PTK2B: variants seen among roughly 807,000 people sequenced by gnomAD.
PTK2B encodes the protein protein-tyrosine kinase 2-beta.
PTK2B carries 71 observed loss-of-function variants against 142.9 expected under a neutral mutation model. The observed-to-expected ratio is 0.50, with a 90% CI of 0.41 to 0.61. The LOEUF (loss-of-function observed/expected upper bound fraction) is 0.61, where lower values mean the gene tolerates loss of function less well. Ranked by LOEUF, PTK2B falls within the 20% of genes least tolerant of loss-of-function variation. The pLI is 0.00. For missense variants in PTK2B, 1,105 were observed against 1,320.4 expected (o/e 0.84, Z 2.53); for synonymous variants, 519 against 503.4 (o/e 1.03, Z -0.42).
In PTK2B at chr8:27,437,862, G is replaced by C; in HGVS notation, c.1625G>C (p.Ser542Thr). 1.2e-6 allele frequency: 2 copies of C among 1,612,178 alleles called. No homozygotes were observed. The highest frequency in any genetic ancestry group is 1.7e-4 in the Middle Eastern group (1 of 6,056). Residue 542 changes from serine to threonine, a missense_variant, in exon 18 of 31, where the codon AGC becomes ACC. By Grantham distance (58) the Ser-to-Thr change is moderately conservative. Coordinates refer to ENST00000346049, the MANE Select transcript of PTK2B (RefSeq NM_173176.3). The stretch of plus-strand genomic sequence containing the variant: ...TGCAAAGCCATGGCCTACCTGGAGA[G>C]CATCAACTGCGTGCACAGGTAGGGG... Reference protein sequence around the residue: ...QICKAMAYLESINCVHRDIAV... With the variant: ...QICKAMAYLETINCVHRDIAV...
chr8:27,342,821 C>A (rs1804486917), intron 1 of PTK2B, among the ~76,000 whole-genome samples: 1 of 152,176 alleles, frequency 6.6e-6, no homozygotes, highest in Non-Finnish European at 1.5e-5. Flanking sequence ...GCTCCTTTAT[C>A]CCCCCTCAGT....
At chr8:27,430,182 C>G (rs1292488017) in intron 6 of PTK2B, 27 bp downstream of exon 6, 28 of 1,601,884 alleles carry the variant, frequency 1.7e-5, no homozygotes, top group Non-Finnish European at 2.4e-5. Flanking sequence ...CCCATCTCCC[C>G]TCCCTTCCTG....
Position 27,453,142 on chromosome 8 carries a change from C to G in PTK2B, c.2577C>G (p.Pro859=), listed in dbSNP as rs560064879. ...YLEFTGPPQK[P]PRLGAQSIQP... ...AGTTCACAGGGCCCCCACAGAAGCC[C>G]CCGAGGCTGGGCGCACAGGTATGTG... Residue 859 remains proline, a synonymous_variant, in exon 28 of 31, where the codon CCC becomes CCG. Coordinates refer to ENST00000346049, the MANE Select transcript of PTK2B (RefSeq NM_173176.3). 11 of 1,614,120 alleles carry G rather than the reference C, an allele frequency of 6.8e-6. No individual in the cohort carries two copies. The South Asian group carries it at 1.1e-4, about 16-fold the overall frequency.
intron 2 of PTK2B, among the ~76,000 whole-genome samples, chr8:27,409,991 G>A (rs1808959640): frequency 6.6e-6 from 1 of 152,148 alleles, no homozygotes; most frequent in Admixed American, 6.5e-5. Context: ...CAAAGGGCTG[G>A]GATTACAAGT....
intron 9 of PTK2B, 113 bp from the exon 10 acceptor site, chr8:27,432,147 T>C (rs1810470746): frequency 1.2e-6 from 1 of 855,480 alleles, no homozygotes; most frequent in Non-Finnish European, 1.9e-6. Context: ...TCTCTCTTCA[T>C]CTCCCAGAGA....
intron 3 of PTK2B, among the ~76,000 whole-genome samples, chr8:27,319,879 G>A (rs936576208): frequency 2.0e-5 from 3 of 152,068 alleles, no homozygotes; most frequent in Non-Finnish European, 4.4e-5. Context: ...AAAGAAAAAC[G>A]CTGCATATTT....
upstream of PTK2B, among the ~76,000 whole-genome samples, chr8:27,322,193 TATAAC>T (rs921410917): frequency 7.2e-5 from 11 of 152,196 alleles, no homozygotes; most frequent in Non-Finnish European, 1.3e-4. Context: ...TTAGAATACT[TATAAC>T]CATACTGTTC....
intron 1 of PTK2B, among the ~76,000 whole-genome samples, chr8:27,378,601 CTGTG>C (rs58485965): frequency 0.2 from 30,183 of 148,102 alleles, 3,185 homozygotes; most frequent in Middle Eastern, 0.25. Context: ...TACAGCTTAT[CTGTG>C]TGTGTGTGTG....
At chr8:27,352,691 T>A (rs1042673347) in intron 1 of PTK2B, among the ~76,000 whole-genome samples, 1 of 152,236 alleles carries the variant, frequency 6.6e-6, no homozygotes, top group Non-Finnish European at 1.5e-5. Flanking sequence ...GTTCTCATGA[T>A]GGTGAATATG....
chr8:27,311,070 T>G, upstream of PTK2B: 2 of 1,596,336 alleles, frequency 1.3e-6, no homozygotes, highest in East Asian at 2.3e-5. Context: ...ACTGGGCAGG[T>G]GGGCGACACC....
At chr8:27,436,715 G>A (rs899886353) in intron 15 of PTK2B, among the ~76,000 whole-genome samples, 29 of 152,178 alleles carry the variant, frequency 1.9e-4, no homozygotes, top group African/African-American at 6.5e-4. Context: ...AAGGCTGACC[G>A]CTGTGGTAAC....
At chr8:27,391,925 T>A (rs1181332872) in intron 1 of PTK2B, among the ~76,000 whole-genome samples, 1 of 152,010 alleles carries the variant, frequency 6.6e-6, no homozygotes, top group African/African-American at 2.4e-5. Flanking sequence ...AGAGCCAGGG[T>A]TTTCACTGGT....
chr8:27,369,971 CATCTCAAAA>C (rs560869074), intron 1 of PTK2B, among the ~76,000 whole-genome samples: 62 of 152,212 alleles, frequency 4.1e-4, no homozygotes, highest in African/African-American at 1.4e-3. Flanking sequence ...AGTGAGACTC[CATCTCAAAA>C]AAGAAAGAAA....
intron 21 of PTK2B, among the ~76,000 whole-genome samples, chr8:27,442,146 A>C (rs564415044): frequency 6.6e-6 from 1 of 152,188 alleles, no homozygotes; most frequent in Non-Finnish European, 1.5e-5. Context: ...GTGTAACAAT[A>C]GTTATATTTT....
intron 30 of PTK2B, among the ~76,000 whole-genome samples, chr8:27,456,093 C>G (rs1250208970): frequency 6.6e-6 from 1 of 152,256 alleles, no homozygotes; most frequent in Non-Finnish European, 1.5e-5. Flanking sequence ...GCTCCTTACC[C>G]TTGGGATGCC....
chr8:27,389,922 T>A (rs963630462), intron 1 of PTK2B, among the ~76,000 whole-genome samples: 1 of 152,178 alleles, frequency 6.6e-6, no homozygotes, highest in Non-Finnish European at 1.5e-5. Context: ...TCCCTGAGAC[T>A]GCAGGGTCAT....
chr8:27,382,264 GA>G, intron 1 of PTK2B, among the ~76,000 whole-genome samples: 1 of 152,090 alleles, frequency 6.6e-6, no homozygotes, highest in East Asian at 1.9e-4. Context: ...CTTCTTTTGA[GA>G]AATGTCCTTT....
chr8:27,443,028 G>A (rs749382010), intron 22 of PTK2B, 45 bp downstream of exon 22: 4 of 1,493,836 alleles, frequency 2.7e-6, no homozygotes, highest in Non-Finnish European at 3.7e-6. Flanking sequence ...TCAAAGCAAA[G>A]CCAGGTCCCT....
chr8:27,429,977 C>T (rs1810306013), intron 5 of PTK2B, 116 bp from the exon 6 acceptor site: 12 of 939,086 alleles, frequency 1.3e-5, no homozygotes, highest in Non-Finnish European at 2.1e-5. Context: ...CTTCCTTTCT[C>T]CTGATGATTC....
Sources: gnomAD v4.1 joint callset for allele counts (sites outside exome capture counted in the v4.1 genomes callset) on GRCh38, gnomAD v4.1.1 for gene constraint, MANE v1.5 for transcripts, NCBI Gene and HGNC (gene_info 2026-07-23, HGNC 2026-07-21) for gene names.